The following LRRC40 variants were observed in gnomAD, a reference collection of about 807,000 sequenced individuals.
The protein encoded by LRRC40 is leucine-rich repeat-containing protein 40.
Under a neutral mutation model 72.8 loss-of-function variants are expected in LRRC40, and 76 were observed. The observed-to-expected ratio is 1.04, with a 90% CI of 0.87 to 1.26. The LOEUF is 1.26. LRRC40 is among the 50% of genes most tolerant of loss of function. The pLI, the probability that LRRC40 is intolerant of heterozygous loss-of-function variation, is 0.00. For synonymous variants in LRRC40, 243 were observed against 254.2 expected, an observed-to-expected ratio of 0.96 and a Z score of 0.42; for missense variants, 684 against 698.9, an observed-to-expected ratio of 0.98 and a Z score of 0.24.
At position 70,179,036 on chromosome 1, in the gene LRRC40, AAT is replaced by A. The variant is rs766149347; in HGVS notation, c.662-45_662-44del. On this transcript the variant is annotated intron_variant, in intron 5 of 14. Transcript: ENST00000370952. ...TAAAAAACAAAAATAGAGAAAAAAA[AAT>A]TAGTTTCTGATCGTATACAACTTTA... 6.8e-6 allele frequency: 9 copies of A among 1,323,090 alleles called. No individual in the cohort carries two copies. In the African/African-American group the frequency reaches 1.2e-4, roughly 17 times the overall value. The allele number at this position is 1,323,090 out of a possible 1,614,324, so 82.0% of individuals were successfully genotyped here.
chr1:70,149,828 T>C (rs1452794543), intron 13 of LRRC40, among the ~76,000 whole-genome samples: 2 of 152,176 alleles, frequency 1.3e-5, no homozygotes, highest in Non-Finnish European at 1.5e-5. Flanking sequence ...ACTAAACATA[T>C]ACACTTGTTA....
At chr1:70,192,043 T>C (rs1365608273) in intron 1 of LRRC40, among the ~76,000 whole-genome samples, 1 of 152,166 alleles carries the variant, frequency 6.6e-6, no homozygotes, top group Non-Finnish European at 1.5e-5. Flanking sequence ...GCACTGAATC[T>C]GTAAGTTGCT....
At chr1:70,194,561 T>C (rs929513606) in intron 1 of LRRC40, among the ~76,000 whole-genome samples, 1 of 152,054 alleles carries the variant, frequency 6.6e-6, no homozygotes, top group Admixed American at 6.5e-5. Context: ...AGCTTTTCTG[T>C]AGAAATTAAC....
At chr1:70,198,002 T>G (rs1193120255) in intron 1 of LRRC40, among the ~76,000 whole-genome samples, 3 of 152,132 alleles carry the variant, frequency 2.0e-5, no homozygotes, top group Non-Finnish European at 4.4e-5. Flanking sequence ...GCTCAAGTGA[T>G]CCGCCTGCTT....
At chr1:70,170,583 T>C (rs1053590375) in intron 9 of LRRC40, among the ~76,000 whole-genome samples, 2 of 152,136 alleles carry the variant, frequency 1.3e-5, no homozygotes, top group East Asian at 1.9e-4. Context: ...CCTATACAGT[T>C]GCAAAGAACA....
chr1:70,156,729 G>A (rs1464734868), intron 10 of LRRC40, among the ~76,000 whole-genome samples: 1 of 152,104 alleles, frequency 6.6e-6, no homozygotes, highest in Non-Finnish European at 1.5e-5. Context: ...TAGATATGCT[G>A]ACAAAGGGAT....
chr1:70,164,519 G>C (rs12566666), intron 9 of LRRC40, among the ~76,000 whole-genome samples: 22 of 152,084 alleles, frequency 1.4e-4, no homozygotes, highest in Admixed American at 1.4e-3. Context: ...CAAAATTGTA[G>C]AGGGGAAACC....
Position 70,205,191 on chromosome 1 carries a change from G to C in LRRC40, c.151+199C>G, listed in dbSNP as rs193118723. On this transcript the variant is annotated intron_variant, in intron 1 of 14. Coordinates refer to ENST00000370952, the MANE Select transcript of LRRC40 (RefSeq NM_017768.5). ...TATTTTTAGCAGGGTCCCTTTAACA[G>C]AGATTGCGGGAACCTGGGAAGGAAC... 3.9e-3 allele frequency among the ~76,000 whole-genome samples: 587 copies of C among 152,324 alleles called. 6 individuals are homozygous for C. Among genetic ancestry groups the C allele is most frequent in the African/African-American group, 0.014 (575 of 41,576 alleles).
At chr1:70,168,708 C>T (rs1667940421) in intron 9 of LRRC40, among the ~76,000 whole-genome samples, 1 of 152,146 alleles carries the variant, frequency 6.6e-6, no homozygotes, top group African/African-American at 2.4e-5. Flanking sequence ...AATAAGACAA[C>T]TACAGAAAAG....
intron 1 of LRRC40, 85 bp from the exon 2 acceptor site, chr1:70,189,358 A>G (rs1254367582): frequency 1.8e-6 from 2 of 1,088,220 alleles, no homozygotes; most frequent in Non-Finnish European, 1.3e-6. Context: ...ACATGCTTTT[A>G]TAATAGCCAT....
chr1:70,203,165 G>C (rs566047450), intron 1 of LRRC40, among the ~76,000 whole-genome samples: 1 of 152,166 alleles, frequency 6.6e-6, no homozygotes, highest in East Asian at 1.9e-4. Context: ...AGAGTGCTGG[G>C]ATTACAGGCA....
chr1:70,155,762 A>T lies in LRRC40; in HGVS notation c.1255T>A (p.Phe419Ile). ...ACGATGTTGCTTTTTACTGCATCAA[A>T]CACCTCATCAGGAATCAAAGTTGCT... ...KQATLIPDEV[F>I]DAVKSNIVTS... The change falls in exon 11 of 15, where the codon TTT becomes ATT. Residue 419 changes from phenylalanine (F) to isoleucine (I), a missense_variant. Coordinates refer to ENST00000370952, the MANE Select transcript of LRRC40 (RefSeq NM_017768.5). The T allele has an allele frequency of 6.3e-7, 1 of 1,578,484 alleles. No individual in the cohort carries two copies. The highest frequency in any genetic ancestry group is 8.6e-7 in the Non-Finnish European group (1 of 1,156,902).
At chr1:70,171,955 CA>C (rs1312007911) in intron 9 of LRRC40, among the ~76,000 whole-genome samples, 1 of 152,120 alleles carries the variant, frequency 6.6e-6, no homozygotes, top group African/African-American at 2.4e-5. Flanking sequence ...TCTACTAACT[CA>C]GTCACCATTT....
At chr1:70,202,137 T>C (rs1471313496) in intron 1 of LRRC40, among the ~76,000 whole-genome samples, 1 of 152,166 alleles carries the variant, frequency 6.6e-6, no homozygotes, top group African/African-American at 2.4e-5. Flanking sequence ...AGTCTGACAG[T>C]TTCTTACAGG....
At chr1:70,159,574 T>G in intron 9 of LRRC40, 136 bp from the exon 10 acceptor site, 1 of 429,060 alleles carries the variant, frequency 2.3e-6, no homozygotes, top group Non-Finnish European at 4.2e-6. Context: ...ATGCTTTATT[T>G]CCAATGACTC....
chr1:70,152,620 G>C (rs1667531388), intron 11 of LRRC40, 77 bp from the exon 12 acceptor site: 2 of 742,584 alleles, frequency 2.7e-6, no homozygotes, highest in East Asian at 5.3e-5. Flanking sequence ...AGATCAAAGG[G>C]GGAAATTCCT....
chr1:70,186,123 T>C (rs1668353891), intron 3 of LRRC40, among the ~76,000 whole-genome samples: 1 of 152,194 alleles, frequency 6.6e-6, no homozygotes, highest in Non-Finnish European at 1.5e-5. Context: ...CTTTGCACAC[T>C]TGATAGGGAT....
At chr1:70,168,171 T>C (rs1038539053) in intron 9 of LRRC40, among the ~76,000 whole-genome samples, 1 of 152,162 alleles carries the variant, frequency 6.6e-6, no homozygotes, top group African/African-American at 2.4e-5. Context: ...TGTCAGCATT[T>C]CTCATCCTGC....
chr1:70,192,860 G>A (rs968011779), intron 1 of LRRC40, among the ~76,000 whole-genome samples: 1 of 151,868 alleles, frequency 6.6e-6, no homozygotes, highest in Non-Finnish European at 1.5e-5. Flanking sequence ...ATAACTAATG[G>A]GTATGAGGCT....
Sources: allele counts gnomAD v4.1 joint callset (sites outside exome capture counted in the v4.1 genomes callset), GRCh38; gene constraint gnomAD v4.1.1; transcripts MANE v1.5; gene names NCBI Gene and HGNC (gene_info 2026-07-23, HGNC 2026-07-21).